Variants in FHIT observed in about 807,000 individuals in gnomAD.
FHIT encodes the protein bis(5'-adenosyl)-triphosphatase.
Under a neutral mutation model 17.9 loss-of-function variants are expected in FHIT, and 19 were observed. The ratio of observed to expected loss-of-function variants is 1.06; its 90% CI spans 0.74 to 1.56. FHIT has a LOEUF of 1.56. Among genes scored for constraint, FHIT ranks in the 40% most tolerant of loss-of-function variants. The probability of loss-of-function intolerance (pLI) is 0.00; values close to 1 mark genes in which losing one functional copy is unlikely to be tolerated. For missense variants in FHIT, 248 were observed against 189.2 expected, an observed-to-expected ratio of 1.31 and a Z score of -1.82; for synonymous variants, 81 against 69.7, an observed-to-expected ratio of 1.16 and a Z score of -0.81.
chr3:60,931,513 G>C (rs1480023205), intron 3 of FHIT, among the ~76,000 whole-genome samples: 2 of 152,094 alleles, frequency 1.3e-5, no homozygotes, highest in African/African-American at 4.8e-5. Flanking sequence ...TCCAAATGCT[G>C]CCGCCTGTTT....
intron 5 of FHIT, among the ~76,000 whole-genome samples, chr3:60,366,952 A>C (rs1390619480): frequency 3.3e-5 from 5 of 152,204 alleles, no homozygotes; most frequent in Non-Finnish European, 5.9e-5. Flanking sequence ...ACCTATGCTA[A>C]GTGAAAATAT....
intron 5 of FHIT, among the ~76,000 whole-genome samples, chr3:60,071,774 T>C (rs2736820): frequency 0.083 from 12,669 of 152,246 alleles, 579 homozygotes; most frequent in African/African-American, 0.12. Flanking sequence ...AATTCCCGTA[T>C]GTTATGAGAT....
chr3:60,462,097 G>A (rs927970948), intron 5 of FHIT, among the ~76,000 whole-genome samples: 4 of 152,084 alleles, frequency 2.6e-5, no homozygotes, highest in East Asian at 1.9e-4. Flanking sequence ...CAGCAGGACC[G>A]GGGGGATGTT....
chr3:60,663,978 A>G (rs1553691814), intron 4 of FHIT, among the ~76,000 whole-genome samples: 2 of 152,102 alleles, frequency 1.3e-5, no homozygotes, highest in African/African-American at 4.8e-5. Flanking sequence ...TCCAAACTGC[A>G]TGCCTTCTAT....
At chr3:60,534,937 G>A (rs1037780258) in intron 5 of FHIT, among the ~76,000 whole-genome samples, 2 of 152,120 alleles carry the variant, frequency 1.3e-5, no homozygotes, top group African/African-American at 4.8e-5. Context: ...CTTTTTCTGA[G>A]TTTGTTAAAA....
chr3:60,414,650 C>T (rs1180952797), intron 5 of FHIT, among the ~76,000 whole-genome samples: 1 of 152,116 alleles, frequency 6.6e-6, no homozygotes, highest in Admixed American at 6.6e-5. Flanking sequence ...TATCTACCAT[C>T]CAAAGAACCT....
At chr3:61,210,521 C>A (rs1363982353) in intron 1 of FHIT, among the ~76,000 whole-genome samples, 2 of 152,246 alleles carry the variant, frequency 1.3e-5, no homozygotes, top group Admixed American at 6.5e-5. Context: ...GCCCCTCCCC[C>A]AGCCTCGCTG....
chr3:60,564,306 T>C (rs1273278260), intron 4 of FHIT, among the ~76,000 whole-genome samples: 2 of 152,198 alleles, frequency 1.3e-5, no homozygotes, highest in African/African-American at 4.8e-5. Context: ...ACTGATGATG[T>C]ACCTGGTCAC....
At chr3:60,050,603 C>A (rs575948879) in intron 5 of FHIT, among the ~76,000 whole-genome samples, 117 of 82,516 alleles carry the variant, frequency 1.4e-3, no homozygotes, top group Non-Finnish European at 2.6e-3. Flanking sequence ...TTTCATGTAT[C>A]CTTATGCAGT....
intron 7 of FHIT, among the ~76,000 whole-genome samples, chr3:59,969,616 G>T (rs1708086304): frequency 6.6e-6 from 1 of 152,008 alleles, no homozygotes; most frequent in South Asian, 2.1e-4. Context: ...ATAATTTGGG[G>T]CCATTACCAG....
intron 2 of FHIT, among the ~76,000 whole-genome samples, chr3:61,095,025 C>T (rs888261446): frequency 3.3e-5 from 5 of 152,130 alleles, no homozygotes; most frequent in Admixed American, 1.3e-4. Context: ...TATGTGAGGA[C>T]TAAGAATTAG....
intron 4 of FHIT, among the ~76,000 whole-genome samples, chr3:60,586,173 T>C (rs1175236969): frequency 6.6e-6 from 1 of 151,628 alleles, no homozygotes; most frequent in African/African-American, 2.4e-5. Context: ...TGCAGTAAAA[T>C]GAGCAATAGA....
chr3:60,058,839 G>C (rs1575999266), intron 5 of FHIT, among the ~76,000 whole-genome samples: 2 of 152,176 alleles, frequency 1.3e-5, no homozygotes, highest in African/African-American at 2.4e-5. Context: ...CGAAATGTTG[G>C]ATAAAATACA....
At chr3:61,238,792 A>AAT (rs2040294999) in intron 1 of FHIT, among the ~76,000 whole-genome samples, 1 of 152,202 alleles carries the variant, frequency 6.6e-6, no homozygotes, top group South Asian at 2.1e-4. Context: ...CAATTAAAAG[A>AAT]TCCCAAACTG....
intron 5 of FHIT, among the ~76,000 whole-genome samples, chr3:60,373,983 G>C (rs571541754): frequency 4.6e-5 from 7 of 152,256 alleles, no homozygotes; most frequent in Admixed American, 2.0e-4. Flanking sequence ...AGTATGTGGT[G>C]AATCTGGTTA....
intron 4 of FHIT, chr3:60,617,918 G>C: frequency 4.4e-6 from 1 of 229,868 alleles, no homozygotes; most frequent in East Asian, 1.3e-4. Context: ...AAAGTAATTT[G>C]TGATAACTGA....
intron 3 of FHIT, among the ~76,000 whole-genome samples, chr3:60,843,188 A>G (rs1317430719): frequency 6.6e-6 from 1 of 152,168 alleles, no homozygotes; most frequent in Non-Finnish European, 1.5e-5. Flanking sequence ...ACCACAAGCT[A>G]AAAAGGAGAA....
chr3:60,916,258 G>C (rs575600941), intron 3 of FHIT, among the ~76,000 whole-genome samples: 7 of 152,242 alleles, frequency 4.6e-5, no homozygotes, highest in Admixed American at 2.0e-4. Context: ...CATGACTATA[G>C]TTCTAAAATA....
At chr3:60,484,186 T>TG in intron 5 of FHIT, among the ~76,000 whole-genome samples, 1 of 151,304 alleles carries the variant, frequency 6.6e-6, no homozygotes, top group East Asian at 2.0e-4. Flanking sequence ...GAAAACAAAT[T>TG]GGACAACCTT....
Sources: allele counts gnomAD v4.1 joint callset (sites outside exome capture counted in the v4.1 genomes callset), GRCh38; gene constraint gnomAD v4.1.1; transcripts MANE v1.5; gene names NCBI Gene and HGNC (gene_info 2026-07-23, HGNC 2026-07-21).